CADM2: variants seen among roughly 807,000 people sequenced by gnomAD.
CADM2 encodes the protein immunoglobulin superfamily member 4D.
CADM2 carries 12 observed loss-of-function variants against 49.8 expected under a neutral mutation model. The observed-to-expected ratio is 0.24, with a 90% CI of 0.15 to 0.39. CADM2 has a LOEUF of 0.39. Ranked by LOEUF, CADM2 falls within the 10% of genes least tolerant of loss-of-function variation. The pLI is 1.00. For synonymous variants in CADM2, 214 were observed against 175.4 expected (o/e 1.22, Z -1.74); for missense variants, 378 against 492.3 (o/e 0.77, Z 2.20).
At chr3:85,267,674 A>G (rs540003485) in intron 1 of CADM2, among the ~76,000 whole-genome samples, 39 of 151,730 alleles carry the variant, frequency 2.6e-4, no homozygotes, top group African/African-American at 7.9e-4. Flanking sequence ...CTATGTTAAA[A>G]ATTAGTTGAA....
chr3:85,942,551 T>C (rs979192007), intron 7 of CADM2, among the ~76,000 whole-genome samples: 2 of 148,044 alleles, frequency 1.4e-5, no homozygotes, highest in African/African-American at 2.5e-5. Context: ...GATCTCATTG[T>C]TCAATTCCCA....
intron 1 of CADM2, among the ~76,000 whole-genome samples, chr3:85,691,398 C>T (rs1448121009): frequency 6.6e-6 from 1 of 152,184 alleles, no homozygotes; most frequent in African/African-American, 2.4e-5. Context: ...TTGCAATAAA[C>T]ATTTCGCAAT....
chr3:85,820,585 G>A (rs1022273743), intron 3 of CADM2, among the ~76,000 whole-genome samples: 1 of 152,146 alleles, frequency 6.6e-6, no homozygotes, highest in African/African-American at 2.4e-5. Context: ...TTGAACACTT[G>A]AAATAACAAA....
chr3:85,368,130 A>G (rs1576429488), intron 1 of CADM2, among the ~76,000 whole-genome samples: 2 of 152,192 alleles, frequency 1.3e-5, no homozygotes, highest in Admixed American at 1.3e-4. Context: ...CAAGGCTATT[A>G]TTAATTGAAT....
chr3:85,039,557 A>G (rs1333253187), intron 1 of CADM2, among the ~76,000 whole-genome samples: 1 of 152,156 alleles, frequency 6.6e-6, no homozygotes, highest in African/African-American at 2.4e-5. Context: ...TTTTACCAGT[A>G]TTTTAGGACA....
chr3:85,752,881 G>T (rs1161041014), intron 2 of CADM2, among the ~76,000 whole-genome samples: 1 of 152,036 alleles, frequency 6.6e-6, no homozygotes, highest in Admixed American at 6.6e-5. Flanking sequence ...GGCCAATTAA[G>T]AAAATAAAGG....
In CADM2 at chr3:85,238,196, T is replaced by C. The variant is rs542783651; in HGVS notation, c.61+278528T>C. 1.3e-4 allele frequency among the ~76,000 whole-genome samples: 20 copies of C among 152,082 alleles called. 1 individual carries two copies. Among genetic ancestry groups the C allele is most frequent in the Admixed American group, 5.3e-4 (8 of 15,236 alleles). ...TTTACTTTTATATTGTTTTAATTTC[T>C]AAAGGAGAGGAAATCCTGGAATTCT... is the stretch of plus-strand genomic sequence containing the variant. On this transcript the variant is annotated intron_variant, in intron 1 of 9. Transcript: ENST00000383699.
At chr3:85,682,355 AC>A (rs2066062955) in intron 1 of CADM2, among the ~76,000 whole-genome samples, 1 of 152,070 alleles carries the variant, frequency 6.6e-6, no homozygotes, top group African/African-American at 2.4e-5. Context: ...AGGAAAGTCG[AC>A]TCTTTCCCAG....
chr3:85,676,999 G>T (rs2065903669), intron 1 of CADM2, among the ~76,000 whole-genome samples: 1 of 152,116 alleles, frequency 6.6e-6, no homozygotes, highest in African/African-American at 2.4e-5. Context: ...GGTGTTATCT[G>T]CACAATGAAC....
chr3:85,933,298 C>T (rs977257142), intron 6 of CADM2, among the ~76,000 whole-genome samples: 2 of 151,854 alleles, frequency 1.3e-5, no homozygotes, highest in Non-Finnish European at 2.9e-5. Context: ...CTGTGTCTTG[C>T]CCATCAAGTA....
intron 1 of CADM2, among the ~76,000 whole-genome samples, chr3:85,567,106 C>A (rs1433621206): frequency 6.6e-6 from 1 of 152,072 alleles, no homozygotes; most frequent in East Asian, 1.9e-4. Context: ...GTATTGTATC[C>A]TGCAGTTAAT....
At chr3:85,241,797 T>A (rs949574197) in intron 1 of CADM2, among the ~76,000 whole-genome samples, 1 of 151,490 alleles carries the variant, frequency 6.6e-6, no homozygotes, top group Admixed American at 6.6e-5. Context: ...TTCAGGTAGG[T>A]CATTTACTTC....
At chr3:85,572,633 A>G (rs369920106) in intron 1 of CADM2, among the ~76,000 whole-genome samples, 175 of 152,314 alleles carry the variant, frequency 1.1e-3, no homozygotes, top group African/African-American at 4.0e-3. Flanking sequence ...AGCCAATGGT[A>G]TAACTCTTGG....
In CADM2 at chr3:85,274,639, A is replaced by G. The variant is rs997029379; in HGVS notation, c.61+314971A>G. 3.3e-5 allele frequency among the ~76,000 whole-genome samples: 5 copies of G among 151,462 alleles called. No individual in the cohort carries two copies. In the East Asian group the frequency reaches 9.7e-4, roughly 30 times the overall value. ...ATCTATCTAATGCCATTATTTTAGA[A>G]TAGGACATCTTTCTCCCTCTTGCAT... On this transcript the variant is annotated intron_variant, in intron 1 of 9. Transcript: ENST00000383699.
At chr3:86,027,717 AT>A (rs1337057204) in intron 8 of CADM2, among the ~76,000 whole-genome samples, 2 of 152,142 alleles carry the variant, frequency 1.3e-5, no homozygotes, top group African/African-American at 2.4e-5. Context: ...ACTTTGAAAA[AT>A]ATGTAATAAT....
intron 8 of CADM2, among the ~76,000 whole-genome samples, chr3:86,057,853 C>A (rs1024541105): frequency 1.3e-5 from 2 of 152,094 alleles, no homozygotes; most frequent in African/African-American, 2.4e-5. Flanking sequence ...GGAATACAGA[C>A]TATGTGGAAA....
intron 2 of CADM2, among the ~76,000 whole-genome samples, chr3:85,752,746 G>C (rs2068921242): frequency 6.6e-6 from 1 of 151,908 alleles, no homozygotes. Context: ...AAAAATCATG[G>C]ATTTTTTTTT....
chr3:85,850,141 G>A (rs926907516), intron 3 of CADM2, among the ~76,000 whole-genome samples: 1 of 151,972 alleles, frequency 6.6e-6, no homozygotes, highest in Non-Finnish European at 1.5e-5. Context: ...AAATAAGGTT[G>A]CTTGTGGCTG....
intron 1 of CADM2, among the ~76,000 whole-genome samples, chr3:85,296,008 C>G (rs2043954600): frequency 6.6e-6 from 1 of 151,888 alleles, no homozygotes; most frequent in Non-Finnish European, 1.5e-5. Context: ...TCAGATGTCT[C>G]TATTTAAAAT....
Sources: allele counts gnomAD v4.1 joint callset (sites outside exome capture counted in the v4.1 genomes callset), GRCh38; gene constraint gnomAD v4.1.1; transcripts MANE v1.5; gene names NCBI Gene and HGNC (gene_info 2026-07-23, HGNC 2026-07-21).